LIMD1: variants seen among roughly 807,000 people sequenced by gnomAD.
The protein encoded by LIMD1 is LIM domain-containing protein 1.
Under a neutral mutation model 58.4 loss-of-function variants are expected in LIMD1, and 23 were observed. The ratio of observed to expected loss-of-function variants is 0.39; its 90% CI spans 0.28 to 0.56. The LOEUF is 0.56. Among genes scored for constraint, LIMD1 ranks in the 20% least tolerant of loss-of-function variants. LIMD1 has a pLI of 0.57. For synonymous variants in LIMD1, 334 were observed against 345.5 expected, an observed-to-expected ratio of 0.97 and a Z score of 0.37; for missense variants, 838 against 855.5, an observed-to-expected ratio of 0.98 and a Z score of 0.25.
chr3:45,649,771 TTA>T (rs1255454750), intron 2 of LIMD1, among the ~76,000 whole-genome samples: 15 of 145,804 alleles, frequency 1.0e-4, no homozygotes, highest in African/African-American at 3.2e-4. Context: ...ATATATATAA[TTA>T]TATATATAAA....
intron 2 of LIMD1, among the ~76,000 whole-genome samples, chr3:45,644,798 C>T (rs1329387507): frequency 6.6e-6 from 1 of 152,178 alleles, no homozygotes; most frequent in Non-Finnish European, 1.5e-5. Context: ...TTTTCAGGTT[C>T]AGCCGCTGCC....
At chr3:45,675,605 CGTT>C (rs1697656920) in intron 7 of LIMD1, among the ~76,000 whole-genome samples, 1 of 93,654 alleles carries the variant, frequency 1.1e-5, no homozygotes, top group Admixed American at 1.2e-4. Context: ...ACAATTAAAA[CGTT>C]AAAGAATTAT....
intron 1 of LIMD1, among the ~76,000 whole-genome samples, chr3:45,623,358 TGG>T (rs1391634883): frequency 6.6e-6 from 1 of 151,506 alleles, no homozygotes; most frequent in Non-Finnish European, 1.5e-5. Flanking sequence ...GAGTTGGGGG[TGG>T]GGTGCAGGAC....
intron 1 of LIMD1, among the ~76,000 whole-genome samples, chr3:45,618,687 C>T (rs920970599): frequency 2.6e-5 from 4 of 152,128 alleles, no homozygotes; most frequent in Non-Finnish European, 2.9e-5. Context: ...TAATCCTCAC[C>T]GCTACCCTGT....
intron 1 of LIMD1, among the ~76,000 whole-genome samples, chr3:45,599,138 T>C (rs112237047): frequency 0.028 from 4,229 of 152,282 alleles, 94 homozygotes; most frequent in Middle Eastern, 0.062. Context: ...TATTTATTTA[T>C]TTTTATGGTT....
intron 1 of LIMD1, among the ~76,000 whole-genome samples, chr3:45,600,248 C>T (rs1170244885): frequency 6.6e-6 from 1 of 152,152 alleles, no homozygotes; most frequent in Non-Finnish European, 1.5e-5. Context: ...AAAAGCAAAG[C>T]AAAGTAGATG....
At chr3:45,651,037 C>T (rs1475719972) in intron 2 of LIMD1, among the ~76,000 whole-genome samples, 1 of 142,928 alleles carries the variant, frequency 7.0e-6, no homozygotes, top group Non-Finnish European at 1.5e-5. Context: ...TTCTAACTGA[C>T]ATGAGATGGT....
intron 1 of LIMD1, among the ~76,000 whole-genome samples, chr3:45,605,657 G>T (rs147590364): frequency 6.6e-6 from 1 of 152,352 alleles, no homozygotes; most frequent in Non-Finnish European, 1.5e-5. Flanking sequence ...GACGAAAGGT[G>T]TCCTTTAGGA....
chr3:45,618,934 G>C (rs1259098392), intron 1 of LIMD1, among the ~76,000 whole-genome samples: 1 of 152,174 alleles, frequency 6.6e-6, no homozygotes, highest in Non-Finnish European at 1.5e-5. Context: ...TGTGATTCCT[G>C]ATCTGCTTGC....
Position 45,643,758 on chromosome 3 carries a change from A to G in LIMD1, c.1510+7507A>G, listed in dbSNP as rs563607041. ...GAAGCTGGGAAGCAGCCAGTCCCAC[A>G]GTTGACAGAAATTACGCCTAGTGCA... On this transcript the variant is annotated intron_variant, in intron 2 of 7. Coordinates refer to ENST00000273317, the MANE Select transcript of LIMD1 (RefSeq NM_014240.3). Among the ~76,000 whole-genome samples the G allele has an allele frequency of 1.1e-4, 17 of 152,368 alleles. No individual in the cohort carries two copies. In the East Asian group the frequency reaches 3.3e-3, roughly 29 times the overall value.
At chr3:45,654,316 C>T (rs1364099557) in intron 2 of LIMD1, among the ~76,000 whole-genome samples, 3 of 152,122 alleles carry the variant, frequency 2.0e-5, no homozygotes, top group Non-Finnish European at 4.4e-5. Context: ...GGAGTCTTAC[C>T]GCCAAGGACC....
chr3:45,660,081 C>T lies in LIMD1; in HGVS notation c.1511-5569C>T, dbSNP rs566285456. Among the ~76,000 whole-genome samples, 12 of 152,302 alleles carry T rather than the reference C, an allele frequency of 7.9e-5. No individual in the cohort carries two copies. In the East Asian group the frequency reaches 2.3e-3, roughly 29 times the overall value. The stretch of plus-strand genomic sequence containing the variant: ...CCCTATTACACAAAACGTTGATTTC[C>T]AGCTCAGATTCCTTAGAACTTGCTA... On this transcript the variant is annotated intron_variant, in intron 2 of 7. Coordinates refer to ENST00000273317, the MANE Select transcript of LIMD1 (RefSeq NM_014240.3).
chr3:45,627,591 G>A (rs1440063663), intron 1 of LIMD1, among the ~76,000 whole-genome samples: 1 of 149,234 alleles, frequency 6.7e-6, no homozygotes, highest in Non-Finnish European at 1.5e-5. Flanking sequence ...AGGAGTTCAA[G>A]ACCAACTTGG....
Position 45,678,989 on chromosome 3 carries a change from CTCT to C in LIMD1, c.*1933_*1935del, listed in dbSNP as rs1405819649. On this transcript the variant is annotated 3_prime_UTR_variant, in exon 8 of 8. Coordinates refer to ENST00000273317, the MANE Select transcript of LIMD1 (RefSeq NM_014240.3). ...AAGTGAACCCTGAGGTGGGGACCCT[CTCT>C]TCCCATCAAATCATCCAGCTCAGTG... 6.6e-6 allele frequency: 1 copy of C among 152,178 alleles called. No homozygotes were observed. Among genetic ancestry groups the C allele is most frequent in the Non-Finnish European group, 1.5e-5 (1 of 68,068 alleles). 9.4% of individuals were successfully genotyped at this position (152,178 alleles called of 1,614,324 possible).
intron 2 of LIMD1, among the ~76,000 whole-genome samples, chr3:45,642,440 G>T (rs1218292632): frequency 2.0e-5 from 3 of 152,172 alleles, no homozygotes; most frequent in African/African-American, 7.2e-5. Context: ...GCGTCCCAAA[G>T]TGCTAGGATT....
At chr3:45,655,063 G>C (rs1702015585) in intron 2 of LIMD1, among the ~76,000 whole-genome samples, 1 of 151,726 alleles carries the variant, frequency 6.6e-6, no homozygotes, top group African/African-American at 2.4e-5. Context: ...GGGATTACAG[G>C]CTCACGCCAC....
intron 1 of LIMD1, among the ~76,000 whole-genome samples, chr3:45,624,490 G>A (rs1701652022): frequency 6.6e-6 from 1 of 152,168 alleles, no homozygotes; most frequent in Admixed American, 6.5e-5. Context: ...GGCGGATCAT[G>A]AGGTCAGGAG....
At chr3:45,669,045 CCT>C (rs756754924) in intron 4 of LIMD1, among the ~76,000 whole-genome samples, 33 of 152,254 alleles carry the variant, frequency 2.2e-4, no homozygotes, top group Non-Finnish European at 3.8e-4. Context: ...TGTTTTTCTC[CCT>C]GTGTTATGCC....
chr3:45,614,925 A>G (rs571277683), intron 1 of LIMD1, among the ~76,000 whole-genome samples: 1 of 152,140 alleles, frequency 6.6e-6, no homozygotes, highest in South Asian at 2.1e-4. Flanking sequence ...TAGATATTTA[A>G]TTTTAAAGAA....
Sources: gnomAD v4.1 joint callset for allele counts (sites outside exome capture counted in the v4.1 genomes callset) on GRCh38, gnomAD v4.1.1 for gene constraint, MANE v1.5 for transcripts, NCBI Gene and HGNC (gene_info 2026-07-23, HGNC 2026-07-21) for gene names.